The following FEZ2 variants were observed in gnomAD, a reference collection of about 807,000 sequenced individuals.
FEZ2 encodes the protein fasciculation and elongation protein zeta-2.
FEZ2 carries 51 observed loss-of-function variants against 40.4 expected under a neutral mutation model. The ratio of observed to expected loss-of-function variants is 1.26; its 90% confidence interval spans 1.01 to 1.59. The LOEUF (loss-of-function observed/expected upper bound fraction) is 1.59, where lower values mean the gene tolerates loss of function less well. Ranked by LOEUF, FEZ2 falls within the 40% of genes most tolerant of loss-of-function variation. FEZ2 has a pLI of 0.00. For missense variants in FEZ2, 640 were observed against 438.3 expected (o/e 1.46, Z -4.11); for synonymous variants, 242 against 172.0 (o/e 1.41, Z -3.18).
intron 7 of FEZ2, among the ~76,000 whole-genome samples, chr2:36,553,574 C>T (rs1438150735): frequency 1.3e-5 from 2 of 152,164 alleles, no homozygotes. Context: ...TACATTACTT[C>T]AGAATCAGCC....
In FEZ2 at chr2:36,552,899, TTAA is replaced by T; in HGVS notation, c.*261_*263del. The stretch of plus-strand genomic sequence containing the variant: ...GAGAAATACAACTGCACATGCACAA[TTAA>T]TATTACTCTCTCTTAATCTACTAAG... On this transcript the variant is annotated 3_prime_UTR_variant, in exon 8 of 8. Coordinates refer to ENST00000405912, the MANE Select transcript of FEZ2 (RefSeq NM_005102.3). The T allele has an allele frequency of 2.3e-6, 1 of 435,462 alleles. No homozygotes were observed. The highest frequency in any genetic ancestry group is 4.1e-6 in the Non-Finnish European group (1 of 245,292). The allele number at this position is 435,462 out of a possible 1,614,324, so 27.0% of individuals were successfully genotyped here.
chr2:36,594,808 A>G (rs180837634), intron 1 of FEZ2, among the ~76,000 whole-genome samples: 2 of 152,354 alleles, frequency 1.3e-5, no homozygotes, highest in Admixed American at 1.3e-4. Flanking sequence ...AAACAAGGCT[A>G]TAAGAAAAAG....
At chr2:36,597,647 G>A (rs1412749165) in intron 1 of FEZ2, among the ~76,000 whole-genome samples, 4 of 152,256 alleles carry the variant, frequency 2.6e-5, no homozygotes, top group Non-Finnish European at 5.9e-5. Flanking sequence ...GCAGGAAGGA[G>A]GGCGGGAGGT....
At chr2:36,556,474 C>CA (rs1435802480) in intron 6 of FEZ2, 1 of 152,260 alleles carries the variant, frequency 6.6e-6, no homozygotes, top group East Asian at 1.9e-4. Context: ...ATTGCCAACT[C>CA]AAATTTTCTC....
Position 36,597,865 on chromosome 2 carries a change from C to T in FEZ2, c.266+12G>A. ...GGCTCCCGCCCACTCCCGGCCGGGG[C>T]CCCGCACTCACTCGTCCCCCTGCAG... is the stretch of plus-strand genomic sequence containing the variant. On this transcript the variant is annotated intron_variant, in intron 1 of 7. Coordinates refer to ENST00000405912, the MANE Select transcript of FEZ2 (RefSeq NM_005102.3). The T allele has an allele frequency of 1.5e-6, 2 of 1,353,922 alleles. No homozygotes were observed. The highest frequency in any genetic ancestry group is 1.7e-5 in the South Asian group (1 of 58,162). The allele number at this position is 1,353,922 out of a possible 1,614,324, so 83.9% of individuals were successfully genotyped here.
rs750713736 is a variant in FEZ2, at chr2:36,583,400, T to C, written c.445A>G (p.Ile149Val). 24 of 1,608,782 alleles carry C rather than the reference T, an allele frequency of 1.5e-5. No individual in the cohort carries two copies. Among genetic ancestry groups the C allele is most frequent in the South Asian group, 4.4e-5 (4 of 91,012 alleles). ...ELREQLDMHS[I>V]IVSCVNDEPL... Reference sequence around the variant, plus strand: ...TCATCATTAACACAGGAGACGATGATTGAGTGCATATCCAGCTGTTCTCTC... The same window carrying C: ...TCATCATTAACACAGGAGACGATGACTGAGTGCATATCCAGCTGTTCTCTC... The change falls in exon 3 of 8, where the codon ATC becomes GTC. Residue 149 changes from isoleucine to valine, a missense_variant. Coordinates refer to ENST00000405912, the MANE Select transcript of FEZ2 (RefSeq NM_005102.3).
intron 5 of FEZ2, among the ~76,000 whole-genome samples, chr2:36,564,964 G>T (rs538119709): frequency 1.6e-4 from 24 of 152,290 alleles, no homozygotes; most frequent in South Asian, 1.5e-3. Context: ...TAGGTTGACG[G>T]AAAAGAGAGA....
At chr2:36,567,789 C>A (rs1302345550) in intron 5 of FEZ2, among the ~76,000 whole-genome samples, 2 of 151,740 alleles carry the variant, frequency 1.3e-5, no homozygotes, top group African/African-American at 4.8e-5. Flanking sequence ...ATCTCAAACC[C>A]CTAGCTAGGA....
chr2:36,596,382 G>A (rs556982904), intron 1 of FEZ2, among the ~76,000 whole-genome samples: 11 of 152,276 alleles, frequency 7.2e-5, no homozygotes, highest in African/African-American at 1.7e-4. Flanking sequence ...CGTGACTCCT[G>A]TCCTGTCTCT....
At chr2:36,585,444 C>T (rs1333819204) in intron 2 of FEZ2, among the ~76,000 whole-genome samples, 2 of 152,006 alleles carry the variant, frequency 1.3e-5, no homozygotes, top group East Asian at 3.9e-4. Context: ...TAAAGCTACA[C>T]TAGAGAGTAA....
chr2:36,597,738 G>T (rs1669270785), intron 1 of FEZ2, 139 bp downstream of exon 1: 1 of 601,462 alleles, frequency 1.7e-6, no homozygotes, highest in South Asian at 5.2e-5. Context: ...CCGACGGCCG[G>T]AGGAAGGAGG....
At chr2:36,563,943 G>A (rs941800714) in intron 5 of FEZ2, among the ~76,000 whole-genome samples, 1 of 152,164 alleles carries the variant, frequency 6.6e-6, no homozygotes, top group Non-Finnish European at 1.5e-5. Context: ...AAATGCCAGT[G>A]TTCCCTAGGA....
intron 1 of FEZ2, among the ~76,000 whole-genome samples, chr2:36,593,976 T>C (rs191146062): frequency 4.2e-4 from 64 of 152,136 alleles, no homozygotes; most frequent in African/African-American, 1.4e-3. Flanking sequence ...AGAAATTTTT[T>C]CTGCCAGATA....
Position 36,578,855 on chromosome 2 carries a change from C to T in FEZ2, c.645G>A (p.Arg215=), listed in dbSNP as rs777323964. Reference sequence around the variant, plus strand: ...TTTCATTTAACTCAGACACTGAGAGCCTTTTCACTCCTGTGACCAAAAGCA... The same window carrying T: ...TTTCATTTAACTCAGACACTGAGAGTCTTTTCACTCCTGTGACCAAAAGCA... ...STGSYEERVK[R]LSVSELNEIL... The change falls in exon 5 of 8, where the codon AGG becomes AGA. Residue 215 remains arginine, a synonymous_variant. Coordinates refer to ENST00000405912, the MANE Select transcript of FEZ2 (RefSeq NM_005102.3). The T allele has an allele frequency of 5.6e-6, 9 of 1,607,792 alleles. No individual in the cohort carries two copies. Among genetic ancestry groups the T allele is most frequent in the Non-Finnish European group, 8.5e-7 (1 of 1,177,700 alleles).
At position 36,590,996 on chromosome 2, in the gene FEZ2, C is replaced by G. The variant is rs746729508; in HGVS notation, c.282G>C (p.Leu94=). 13 of 1,603,888 alleles carry G rather than the reference C, an allele frequency of 8.1e-6. No homozygotes were observed. The East Asian group carries it at 2.5e-4, about 30-fold the overall frequency. The change falls in exon 2 of 8, where the codon CTG becomes CTC. Residue 94 remains leucine (L), a synonymous_variant. Transcript: ENST00000405912. ...GCATCACATTCCCATAATTATCTGT[C>G]AGGGCATTCCAAATCCTTAAAAAGA... The part of the protein sequence containing the change: ...LLQGDEIWNA[L]TDNYGNVMPV...
chr2:36,581,147 T>TCAA lies in FEZ2; in HGVS notation c.634+140_634+142dup, dbSNP rs60717240. On this transcript the variant is annotated intron_variant, in intron 4 of 7. Transcript: ENST00000405912. ...TTGGGCCAAAAAGTGAAATCCCGTC[T>TCAA]CAACAACAACAACAAAAATGTAAAT... is the stretch of plus-strand genomic sequence containing the variant. The TCAA allele has an allele frequency of 0.035, 28,809 of 829,536 alleles. 4,026 individuals carry two copies. In the East Asian group the frequency reaches 0.43, roughly 12 times the overall value. 51.4% of individuals were successfully genotyped at this position (829,536 alleles called of 1,614,324 possible).
chr2:36,597,758 G>A (rs1385226323), intron 1 of FEZ2, 119 bp downstream of exon 1: 2 of 717,918 alleles, frequency 2.8e-6, no homozygotes, highest in Admixed American at 8.7e-5. Flanking sequence ...GCGAGAGGGC[G>A]GGGACTCCCG....
intron 6 of FEZ2, chr2:36,557,818 C>T (rs1198002787): frequency 1.3e-5 from 2 of 152,082 alleles, no homozygotes; most frequent in Non-Finnish European, 2.9e-5. Context: ...AAGAGATACT[C>T]AATATCATGT....
chr2:36,586,564 T>C (rs1453644589), intron 2 of FEZ2, among the ~76,000 whole-genome samples: 2 of 149,320 alleles, frequency 1.3e-5, no homozygotes, highest in African/African-American at 2.5e-5. Flanking sequence ...GAGGTGGAGG[T>C]TGCAGTGAGC....
Sources: allele counts gnomAD v4.1 joint callset (sites outside exome capture counted in the v4.1 genomes callset), GRCh38; gene constraint gnomAD v4.1.1; transcripts MANE v1.5; gene names NCBI Gene and HGNC (gene_info 2026-07-23, HGNC 2026-07-21).